Variants in POC1A observed in about 807,000 individuals in gnomAD.
POC1A encodes the protein POC1 centriolar protein homolog A.
POC1A carries 34 observed loss-of-function variants against 47.8 expected under a neutral mutation model. The observed-to-expected ratio is 0.71, with a 90% CI of 0.54 to 0.95. The LOEUF is 0.95. Ranked by LOEUF, POC1A falls within the 40% of genes least tolerant of loss-of-function variation. POC1A has a pLI of 0.00. For synonymous variants in POC1A, 177 were observed against 207.6 expected, an observed-to-expected ratio of 0.85 and a Z score of 1.27; for missense variants, 466 against 528.3, an observed-to-expected ratio of 0.88 and a Z score of 1.16.
chr3:52,099,766 A>T (rs1442935025), intron 9 of POC1A, among the ~76,000 whole-genome samples: 1 of 152,088 alleles, frequency 6.6e-6, no homozygotes, highest in Non-Finnish European at 1.5e-5. Context: ...CAGGAGAATC[A>T]CTTGAACCCA....
At chr3:52,151,825 C>G (rs1698569107) in intron 1 of POC1A, among the ~76,000 whole-genome samples, 3 of 151,698 alleles carry the variant, frequency 2.0e-5, no homozygotes, top group African/African-American at 4.8e-5. Flanking sequence ...ATCAAAATCC[C>G]AGGTGTCTTT....
intron 9 of POC1A, among the ~76,000 whole-genome samples, chr3:52,118,079 A>G (rs1285310567): frequency 7.2e-5 from 11 of 152,158 alleles, no homozygotes; most frequent in Non-Finnish European, 1.0e-4. Context: ...CGGGCACCCA[A>G]TGCAGACAAT....
chr3:52,088,505 G>A (rs1702536088), intron 10 of POC1A, among the ~76,000 whole-genome samples: 1 of 152,182 alleles, frequency 6.6e-6, no homozygotes, highest in African/African-American at 2.4e-5. Flanking sequence ...GCGCATGGGA[G>A]GAAGCAGCAG....
At chr3:52,114,561 ACT>A (rs1703494702) in intron 9 of POC1A, among the ~76,000 whole-genome samples, 1 of 151,242 alleles carries the variant, frequency 6.6e-6, no homozygotes, top group African/African-American at 2.4e-5. Flanking sequence ...AAATGAGGAG[ACT>A]CCCCCTTGCT....
intron 6 of POC1A, among the ~76,000 whole-genome samples, chr3:52,141,816 C>G (rs1052155529): frequency 5.3e-5 from 8 of 151,952 alleles, no homozygotes; most frequent in Admixed American, 4.6e-4. Context: ...CAGTGAGACC[C>G]CAACCCCATC....
chr3:52,130,661 G>C (rs961394462), intron 7 of POC1A, among the ~76,000 whole-genome samples: 10 of 152,200 alleles, frequency 6.6e-5, no homozygotes, highest in Non-Finnish European at 1.0e-4. Flanking sequence ...ACCCTCCTGA[G>C]CATCAAAACA....
At chr3:52,132,657 G>A (rs1209210626) in intron 7 of POC1A, among the ~76,000 whole-genome samples, 2 of 152,130 alleles carry the variant, frequency 1.3e-5, no homozygotes, top group African/African-American at 4.8e-5. Context: ...CAGGAGAGAA[G>A]CACCAGAATT....
intron 5 of POC1A, among the ~76,000 whole-genome samples, chr3:52,146,512 A>G (rs1698368763): frequency 6.6e-6 from 1 of 152,196 alleles, no homozygotes; most frequent in South Asian, 2.1e-4. Flanking sequence ...CTCTACTCAA[A>G]TGTAGGCACC....
chr3:52,147,599 AATTTTATTTT>A (rs1222912269), intron 4 of POC1A, among the ~76,000 whole-genome samples: 3 of 151,616 alleles, frequency 2.0e-5, no homozygotes, highest in Non-Finnish European at 1.5e-5. Context: ...ACACCCAGCT[AATTTTATTTT>A]ATTTTATTTT....
At chr3:52,114,583 T>C (rs1427628436) in intron 9 of POC1A, among the ~76,000 whole-genome samples, 2 of 152,080 alleles carry the variant, frequency 1.3e-5, no homozygotes, top group African/African-American at 2.4e-5. Flanking sequence ...TCTTTTCCAG[T>C]CAGGGGTCTC....
chr3:52,114,108 C>A (rs546193595), intron 9 of POC1A, among the ~76,000 whole-genome samples: 1 of 152,382 alleles, frequency 6.6e-6, no homozygotes, highest in Non-Finnish European at 1.5e-5. Context: ...GACCAGCATA[C>A]TAGGGCAGCG....
At position 52,146,991 on chromosome 3, in the gene POC1A, C is replaced by T. The variant is rs1434484983; in HGVS notation, c.560G>A (p.Gly187Asp). Residue 187 changes from glycine to aspartate, a missense_variant, in exon 5 of 11, where the codon GGC becomes GAC. Coordinates refer to ENST00000296484, the MANE Select transcript of POC1A (RefSeq NM_015426.5). ...AGGACAGCATCTGGGGACTCACCCG[C>T]CATGCTCACAATACGAGTGGACACA... ...RECVHSYCEH[G>D]GFVTYVDFHP... 6.2e-7 allele frequency: 1 copy of T among 1,613,080 alleles called. No homozygotes were observed. Among genetic ancestry groups the T allele is most frequent in the Non-Finnish European group, 8.5e-7 (1 of 1,179,118 alleles).
intron 10 of POC1A, among the ~76,000 whole-genome samples, chr3:52,081,773 G>C (rs1702303085): frequency 6.6e-6 from 1 of 152,158 alleles, no homozygotes; most frequent in Non-Finnish European, 1.5e-5. Flanking sequence ...CACAGGGACA[G>C]TCTGGGAGTG....
intron 6 of POC1A, among the ~76,000 whole-genome samples, chr3:52,141,625 C>T (rs1448937933): frequency 6.6e-6 from 1 of 152,128 alleles, no homozygotes. Flanking sequence ...CACCACTGTA[C>T]CCCAATCAAC....
chr3:52,106,903 C>T (rs1045408848), intron 9 of POC1A, among the ~76,000 whole-genome samples: 8 of 152,238 alleles, frequency 5.3e-5, no homozygotes, highest in Middle Eastern at 3.2e-3. Flanking sequence ...GAATTTTCCC[C>T]CACACAAAGG....
At chr3:52,082,328 G>C (rs1192541064) in intron 10 of POC1A, among the ~76,000 whole-genome samples, 2 of 152,186 alleles carry the variant, frequency 1.3e-5, no homozygotes, top group African/African-American at 4.8e-5. Context: ...CCTTGGTGGG[G>C]ATGAAGGAGG....
chr3:52,101,860 A>T lies in POC1A; in HGVS notation c.982-5148T>A, dbSNP rs1051796849. Among the ~76,000 whole-genome samples the T allele has an allele frequency of 8.5e-5, 13 of 152,208 alleles. No homozygotes were observed. In the East Asian group the frequency reaches 2.5e-3, roughly 29 times the overall value. On this transcript the variant is annotated intron_variant, in intron 9 of 10. Transcript: ENST00000296484. ...AGCTTTGGTTTTTCTGGAGGGGAAA[A>T]AAAGGTCTTATTTCCCCATCATTGC...
chr3:52,088,171 G>A (rs1032161201), intron 10 of POC1A, among the ~76,000 whole-genome samples: 6 of 152,084 alleles, frequency 3.9e-5, no homozygotes, highest in African/African-American at 1.2e-4. Flanking sequence ...ATAGCCTGGC[G>A]AGTCGGGCTG....
chr3:52,142,386 G>C (rs916244254), intron 6 of POC1A, among the ~76,000 whole-genome samples: 1 of 152,212 alleles, frequency 6.6e-6, no homozygotes, highest in African/African-American at 2.4e-5. Context: ...GCAGTGATAG[G>C]CCAGAGCCAA....
Sources: gnomAD v4.1 joint callset for allele counts (sites outside exome capture counted in the v4.1 genomes callset) on GRCh38, gnomAD v4.1.1 for gene constraint, MANE v1.5 for transcripts, NCBI Gene and HGNC (gene_info 2026-07-23, HGNC 2026-07-21) for gene names.